GNAO1: variants seen among roughly 807,000 people sequenced by gnomAD.
GNAO1 encodes guanine nucleotide-binding protein G(o) subunit alpha.
For synonymous variants in GNAO1, 164 were observed against 180.7 expected (o/e 0.91, Z 0.74); for missense variants, 166 against 478.7 (o/e 0.35, Z 6.10).
intron 6 of GNAO1, chr16:56,340,738 G>C: frequency 9.0e-7 from 1 of 1,107,220 alleles, no homozygotes; most frequent in South Asian, 1.4e-5. Context: ...CCACATTGGT[G>C]GACCTTCCCT....
At chr16:56,226,789 G>A (rs2143384729) in intron 2 of GNAO1, among the ~76,000 whole-genome samples, 1 of 152,294 alleles carries the variant, frequency 6.6e-6, no homozygotes, top group Admixed American at 6.5e-5. Flanking sequence ...GGATGCAAGG[G>A]ACCAAGAAAC....
At chr16:56,344,889 G>A (rs1596878313) in intron 6 of GNAO1, 16 of 985,526 alleles carry the variant, frequency 1.6e-5, no homozygotes, top group Non-Finnish European at 1.9e-5. Flanking sequence ...GAGGTCTAGA[G>A]GGGGTGGACT....
At chr16:56,259,963 G>C (rs2036888057) in intron 2 of GNAO1, among the ~76,000 whole-genome samples, 1 of 152,230 alleles carries the variant, frequency 6.6e-6, no homozygotes, top group Non-Finnish European at 1.5e-5. Context: ...TGTCCATAAA[G>C]TGGAGAGCTC....
At chr16:56,214,733 C>T (rs1377544391) in intron 2 of GNAO1, among the ~76,000 whole-genome samples, 1 of 152,192 alleles carries the variant, frequency 6.6e-6, no homozygotes, top group African/African-American at 2.4e-5. Context: ...ATCCTGGGAA[C>T]ACAGTAGCTG....
At chr16:56,288,088 A>G (rs911566418) in intron 3 of GNAO1, among the ~76,000 whole-genome samples, 4 of 151,860 alleles carry the variant, frequency 2.6e-5, no homozygotes, top group African/African-American at 9.7e-5. Flanking sequence ...CTCCAGCCAG[A>G]CGTGTCTTCT....
At chr16:56,219,139 C>T (rs2036461784) in intron 2 of GNAO1, among the ~76,000 whole-genome samples, 1 of 152,204 alleles carries the variant, frequency 6.6e-6, no homozygotes, top group Non-Finnish European at 1.5e-5. Context: ...GTCAAGGACA[C>T]GTGCCAACGG....
At chr16:56,227,016 A>C (rs1339563780) in intron 2 of GNAO1, among the ~76,000 whole-genome samples, 1 of 151,714 alleles carries the variant, frequency 6.6e-6, no homozygotes, top group Non-Finnish European at 1.5e-5. Flanking sequence ...CAGAGACCAG[A>C]CTCTGCCCTT....
At chr16:56,267,365 C>T (rs2036965303) in intron 2 of GNAO1, among the ~76,000 whole-genome samples, 4 of 152,248 alleles carry the variant, frequency 2.6e-5, no homozygotes, top group Admixed American at 2.6e-4. Context: ...AGACCCGTGC[C>T]AGTGCCAGCT....
chr16:56,344,213 T>C (rs1490307498), intron 6 of GNAO1: 3 of 1,393,032 alleles, frequency 2.2e-6, no homozygotes, highest in Non-Finnish European at 2.8e-6. Flanking sequence ...CATCTCTGAG[T>C]GCTTGATCGG....
chr16:56,336,647 G>A (rs2037742695), intron 5 of GNAO1, 84 bp from the exon 6 acceptor site: 7 of 1,302,076 alleles, frequency 5.4e-6, no homozygotes, highest in Non-Finnish European at 7.4e-6. Context: ...CCCATCCTCT[G>A]CCTCTCAGCG....
At chr16:56,232,740 A>G (rs1458891998) in intron 2 of GNAO1, among the ~76,000 whole-genome samples, 2 of 152,226 alleles carry the variant, frequency 1.3e-5, no homozygotes, top group African/African-American at 2.4e-5. Flanking sequence ...AGTATAAAAT[A>G]CGTTGGAAAA....
At chr16:56,267,959 A>C (rs1357341418) in intron 2 of GNAO1, among the ~76,000 whole-genome samples, 2 of 151,780 alleles carry the variant, frequency 1.3e-5, no homozygotes, top group African/African-American at 4.8e-5. Flanking sequence ...AGGTAAAAAC[A>C]TCTTTCCATT....
At chr16:56,210,347 G>C (rs2036374868) in intron 2 of GNAO1, among the ~76,000 whole-genome samples, 1 of 152,136 alleles carries the variant, frequency 6.6e-6, no homozygotes, top group South Asian at 2.1e-4. Context: ...CCAAGTTTTG[G>C]GAATTATGAA....
intron 2 of GNAO1, among the ~76,000 whole-genome samples, chr16:56,239,427 C>T (rs1156711809): frequency 6.6e-6 from 1 of 152,210 alleles, no homozygotes; most frequent in East Asian, 1.9e-4. Context: ...TCTGCCTCCT[C>T]AGCCTAGACT....
intron 2 of GNAO1, among the ~76,000 whole-genome samples, chr16:56,219,769 C>T (rs192326204): frequency 6.6e-6 from 1 of 152,118 alleles, no homozygotes; most frequent in African/African-American, 2.4e-5. Context: ...CGGGAAGAAG[C>T]CTGAAACCCC....
chr16:56,203,969 G>A lies in GNAO1; in HGVS notation c.161+11353G>A, dbSNP rs544752253. On this transcript the variant is annotated intron_variant, in intron 2 of 8. Coordinates refer to ENST00000262493, the MANE Select transcript of GNAO1 (RefSeq NM_020988.3). ...GTATATAGGGTGCCAAGTCAGGAGA[G>A]CCTACCAGTAGGAGGCCAGAGATGA... 2.6e-5 allele frequency among the ~76,000 whole-genome samples: 4 copies of A among 152,298 alleles called. No homozygotes were observed. The East Asian group carries it at 7.7e-4, about 29-fold the overall frequency.
chr16:56,291,800 G>C lies in GNAO1; in HGVS notation c.303+15728G>C, dbSNP rs951169433. Among the ~76,000 whole-genome samples, 89 of 152,268 alleles carry C rather than the reference G, an allele frequency of 5.8e-4. 1 individual carries two copies. The highest frequency in any genetic ancestry group is 2.0e-3 in the African/African-American group (84 of 41,546). ...GCTGTCTGGTAAGGGTTTCTTCTCT[G>C]CTCCATAGATGGTGCCCTATCACTG... On this transcript the variant is annotated intron_variant, in intron 3 of 8. Transcript: ENST00000262493.
chr16:56,341,988 AC>A (rs1425979712), intron 6 of GNAO1, among the ~76,000 whole-genome samples: 2 of 152,058 alleles, frequency 1.3e-5, no homozygotes, highest in Admixed American at 6.6e-5. Context: ...CAGCTCTCCT[AC>A]CTCCTGCCTC....
chr16:56,194,225 A>G, intron 2 of GNAO1: 1 of 456,568 alleles, frequency 2.2e-6, no homozygotes, highest in South Asian at 1.5e-5. Context: ...GCCAGGGGTA[A>G]TTTAGCTTGG....
Sources: gnomAD v4.1 joint callset for allele counts (sites outside exome capture counted in the v4.1 genomes callset) on GRCh38, gnomAD v4.1.1 for gene constraint, MANE v1.5 for transcripts, NCBI Gene and HGNC (gene_info 2026-07-23, HGNC 2026-07-21) for gene names.